The following UNKL variants were observed in gnomAD, a reference collection of about 807,000 sequenced individuals.
UNKL encodes putative E3 ubiquitin-protein ligase UNKL.
Under a neutral mutation model 78.0 loss-of-function variants are expected in UNKL, and 60 were observed. The ratio of observed to expected loss-of-function variants is 0.77; its 90% CI spans 0.63 to 0.95. UNKL has a LOEUF of 0.95. Ranked by LOEUF, UNKL falls within the 40% of genes least tolerant of loss-of-function variation. UNKL has a pLI of 0.00. For missense variants in UNKL, 1,159 were observed against 1,045.7 expected (o/e 1.11, Z -1.49); for synonymous variants, 608 against 474.8 (o/e 1.28, Z -3.65).
rs536296460 is a variant in UNKL, at chr16:1,376,772, C to T, written c.1265-5161G>A. On this transcript the variant is annotated intron_variant, in intron 10 of 14. Coordinates refer to ENST00000389221, the MANE Select transcript of UNKL (RefSeq NM_001372107.1). ...CCTATATACCAAGCTTTTTCCTATA[C>T]GAACGTCCTCATTTGCACGTCAGGC... Among the ~76,000 whole-genome samples, 15 of 152,198 alleles carry T rather than the reference C, an allele frequency of 9.9e-5. No homozygotes were observed. In the East Asian group the frequency reaches 2.1e-3, roughly 22 times the overall value.
chr16:1,367,813 C>G lies in UNKL; in HGVS notation c.1631G>C (p.Ser544Thr). Residue 544 changes from serine to threonine, a missense_variant, in exon 13 of 15, where the codon AGC becomes ACC. Coordinates refer to ENST00000389221, the MANE Select transcript of UNKL (RefSeq NM_001372107.1). ...PGSIWDFVSG[S>T]FSPSPSPILS... ...GATGGGGGAGGGGCTGGGGGAGAAGCTGCCGGAAACAAAGTCCCAGATGCT... is the reference window on the plus strand; with the variant it reads ...GATGGGGGAGGGGCTGGGGGAGAAGGTGCCGGAAACAAAGTCCCAGATGCT... 1.3e-6 allele frequency: 2 copies of G among 1,575,644 alleles called. No homozygotes were observed. The highest frequency in any genetic ancestry group is 1.7e-6 in the Non-Finnish European group (2 of 1,161,626).
rs1055807711 is a variant in UNKL at position 1,402,303 on chromosome 16, G to A, written c.465-602C>T. On this transcript the variant is annotated intron_variant, in intron 3 of 14. Transcript: ENST00000389221. The stretch of plus-strand genomic sequence containing the variant: ...AGTGCCTCACAGCCTCAACCCCAGT[G>A]AGCTGCCCTCCGGGCCCAGAAGAGA... Among the ~76,000 whole-genome samples the A allele has an allele frequency of 3.3e-5, 5 of 151,830 alleles. No homozygotes were observed. The South Asian group carries it at 6.2e-4, about 19-fold the overall frequency.
chr16:1,392,960 C>T lies in UNKL; in HGVS notation c.954G>A (p.Val318=). 6.4e-7 allele frequency: 1 copy of T among 1,550,572 alleles called. No homozygotes were observed. Among genetic ancestry groups the T allele is most frequent in the East Asian group, 2.4e-5 (1 of 40,930 alleles). The part of the protein sequence containing the change: ...FAHVEKSLGM[V]NEWGCHDLHL... ...GGAGGTCGTGACAGCCCCATTCATT[C>T]ACCATCCCCAGGCTCTCTGCAAGGA... Residue 318 remains valine (V), a synonymous_variant, in exon 8 of 15, where the codon GTG becomes GTA. Transcript: ENST00000389221.
rs1000319687 is a variant in UNKL at position 1,399,921 on chromosome 16, G to T, written c.599-412C>A. ...AGAGACATGCACACCCCGAAATGCCGCATGGTGAGCCTCATGCGCACCACA... is the reference window on the plus strand; with the variant it reads ...AGAGACATGCACACCCCGAAATGCCTCATGGTGAGCCTCATGCGCACCACA... On this transcript the variant is annotated intron_variant, in intron 4 of 14. Coordinates refer to ENST00000389221, the MANE Select transcript of UNKL (RefSeq NM_001372107.1). This position sits in a 1 kb window ranked among gnomAD's most constrained non-coding sequence, Gnocchi z 5.8. Among the ~76,000 whole-genome samples, 4 of 147,712 alleles carry T rather than the reference G, an allele frequency of 2.7e-5. No individual in the cohort carries two copies. The highest frequency in any genetic ancestry group is 7.5e-5 in the African/African-American group (3 of 40,176).
intron 2 of UNKL, among the ~76,000 whole-genome samples, chr16:1,408,042 T>C (rs964362552): frequency 1.1e-4 from 16 of 151,292 alleles, no homozygotes; most frequent in Non-Finnish European, 1.8e-4. Flanking sequence ...GAGGCAGAGG[T>C]TGCAGTGAGC....
At chr16:1,377,212 G>A (rs1054756209) in intron 10 of UNKL, among the ~76,000 whole-genome samples, 7 of 152,158 alleles carry the variant, frequency 4.6e-5, no homozygotes, top group Non-Finnish European at 8.8e-5. Flanking sequence ...AGTAGAGACA[G>A]GTTTTCTCTA....
chr16:1,371,077 T>C (rs1394808236), intron 11 of UNKL, among the ~76,000 whole-genome samples: 1 of 135,684 alleles, frequency 7.4e-6, no homozygotes. Flanking sequence ...AGCGAGGCTC[T>C]GTCTCAAAAA....
At chr16:1,402,662 CAAAAAACA>C (rs1480767540) in intron 3 of UNKL, among the ~76,000 whole-genome samples, 1 of 148,710 alleles carries the variant, frequency 6.7e-6, no homozygotes, top group Non-Finnish European at 1.5e-5. Flanking sequence ...GATTCCATCT[CAAAAAACA>C]AAAAAAGAAA....
At chr16:1,398,156 A>G (rs2037359410) in intron 5 of UNKL, 1 of 442,074 alleles carries the variant, frequency 2.3e-6, no homozygotes, top group African/African-American at 2.1e-5. Context: ...AATGGAAGCG[A>G]GAGTTTTGAT....
chr16:1,402,799 A>G (rs2037586478), intron 3 of UNKL, among the ~76,000 whole-genome samples: 1 of 151,170 alleles, frequency 6.6e-6, no homozygotes, highest in African/African-American at 2.4e-5. Flanking sequence ...CCTGACTAAC[A>G]TGGTGAAACC....
intron 10 of UNKL, among the ~76,000 whole-genome samples, chr16:1,380,824 G>C (rs1033097320): frequency 1.4e-4 from 22 of 152,024 alleles, no homozygotes; most frequent in Non-Finnish European, 7.4e-5. Flanking sequence ...ACAGGAGCAA[G>C]CCACCACACC....
rs571607855 is a variant in UNKL, at chr16:1,364,400, A to T, written c.*1840T>A. 85 of 152,376 alleles carry T rather than the reference A, an allele frequency of 5.6e-4. No individual in the cohort carries two copies. The highest frequency in any genetic ancestry group is 1.5e-3 in the African/African-American group (61 of 41,600). The allele number at this position is 152,376 out of a possible 1,614,324, so 9.4% of individuals were successfully genotyped here. ...TTTGCACTTAAAAAATGCTATTAAAAGTCTTTGGCAAAGCCACGGTCGGGG... is the reference window on the plus strand; with the variant it reads ...TTTGCACTTAAAAAATGCTATTAAATGTCTTTGGCAAAGCCACGGTCGGGG... On this transcript the variant is annotated 3_prime_UTR_variant, in exon 15 of 15. Coordinates refer to ENST00000389221, the MANE Select transcript of UNKL (RefSeq NM_001372107.1).
chr16:1,398,354 T>C (rs2037366484), intron 5 of UNKL: 1 of 1,024,606 alleles, frequency 9.8e-7, no homozygotes, highest in Non-Finnish European at 1.2e-6. Context: ...ATGGGACACA[T>C]TAAGTGCCTG....
In UNKL at chr16:1,387,045, C is replaced by T. The variant is rs1048271379; in HGVS notation, c.1087-1660G>A. Among the ~76,000 whole-genome samples, 5 of 152,160 alleles carry T rather than the reference C, an allele frequency of 3.3e-5. No individual in the cohort carries two copies. The highest frequency in any genetic ancestry group is 2.1e-4 in the South Asian group (1 of 4,834). On this transcript the variant is annotated intron_variant, in intron 9 of 14. Transcript: ENST00000389221. This position sits in a 1 kb window ranked among gnomAD's most constrained non-coding sequence, Gnocchi z 4.1. Reference sequence around the variant, plus strand: ...TCCACCCCGTGAGCATCAGGGACGGCGGTAACTCCTGCACCCTACACCGCA... The same window carrying T: ...TCCACCCCGTGAGCATCAGGGACGGTGGTAACTCCTGCACCCTACACCGCA...
At chr16:1,397,090 C>T (rs2037298691) in intron 6 of UNKL, 88 bp downstream of exon 6, 16 of 1,404,030 alleles carry the variant, frequency 1.1e-5, no homozygotes, top group Non-Finnish European at 1.6e-5. Context: ...AATCACTGTT[C>T]CTTCTGTGTG....
chr16:1,401,484 G>T, intron 4 of UNKL, 84 bp downstream of exon 4: 1 of 1,377,562 alleles, frequency 7.3e-7, no homozygotes, highest in East Asian at 2.7e-5. Flanking sequence ...AAACTGAAAG[G>T]CACAGGGAAC....
intron 5 of UNKL, chr16:1,398,971 G>A (rs375429049): frequency 9.3e-6 from 14 of 1,506,960 alleles, no homozygotes; most frequent in African/African-American, 1.4e-5. Context: ...CCCAGGTGAC[G>A]ACAGTGCCTG....
intron 2 of UNKL, among the ~76,000 whole-genome samples, chr16:1,412,740 G>A (rs1283809597): frequency 6.6e-6 from 1 of 152,160 alleles, no homozygotes; most frequent in Non-Finnish European, 1.5e-5. Context: ...TCTCTGTGTG[G>A]AAAGCAACCG....
chr16:1,391,859 T>C (rs1401703521), intron 8 of UNKL, among the ~76,000 whole-genome samples: 3 of 152,166 alleles, frequency 2.0e-5, no homozygotes, highest in Admixed American at 6.5e-5. Context: ...GGCTAATTTG[T>C]GTATTTTTAG....
Sources: allele counts gnomAD v4.1 joint callset (sites outside exome capture counted in the v4.1 genomes callset), GRCh38; gene constraint gnomAD v4.1.1; non-coding constraint Gnocchi (gnomAD v3.1); transcripts MANE v1.5; gene names NCBI Gene and HGNC (gene_info 2026-07-23, HGNC 2026-07-21).